TAFA1: variants seen among roughly 807,000 people sequenced by gnomAD.
TAFA1 encodes TAFA chemokine like family member 1.
In TAFA1, 4 loss-of-function variants were observed where a neutral mutation model predicts 18.5. The ratio of observed to expected loss-of-function variants is 0.22; its 90% CI spans 0.11 to 0.49. The LOEUF (loss-of-function observed/expected upper bound fraction) is 0.49. Ranked by LOEUF, TAFA1 falls within the 20% of genes least tolerant of loss-of-function variation. TAFA1 has a pLI of 0.98. For missense variants in TAFA1, 147 were observed against 169.0 expected (o/e 0.87, Z 0.72); for synonymous variants, 56 against 55.2 (o/e 1.01, Z -0.06).
In TAFA1 at chr3:68,422,336, G is replaced by A. The variant is rs561473713; in HGVS notation, c.259+4916G>A. ...TGCATTCCCAATCTCAGTTCCCTAG[G>A]AATAGACAGGCATCAACTTCTCTGC... is the stretch of plus-strand genomic sequence containing the variant. On this transcript the variant is annotated intron_variant, in intron 3 of 4. Coordinates refer to ENST00000478136, the MANE Select transcript of TAFA1 (RefSeq NM_213609.4). Among the ~76,000 whole-genome samples the A allele has an allele frequency of 6.6e-5, 10 of 152,120 alleles. No homozygotes were observed. In the South Asian group the frequency reaches 1.5e-3, roughly 22 times the overall value.
At chr3:68,362,807 T>G (rs262231) in intron 2 of TAFA1, among the ~76,000 whole-genome samples, 91,016 of 151,774 alleles carry the variant, frequency 0.6, 28,170 homozygotes, top group East Asian at 1. Flanking sequence ...ATACGGTAGG[T>G]TCTACAAATG....
intron 2 of TAFA1, among the ~76,000 whole-genome samples, chr3:68,291,794 C>A (rs1172811589): frequency 1.3e-5 from 2 of 152,144 alleles, no homozygotes; most frequent in Non-Finnish European, 2.9e-5. Context: ...ACTGAATACT[C>A]CCTTCCAAAT....
chr3:68,200,213 T>G (rs1245527844), intron 2 of TAFA1, among the ~76,000 whole-genome samples: 1 of 151,644 alleles, frequency 6.6e-6, no homozygotes, highest in Non-Finnish European at 1.5e-5. Context: ...ATAATTCTTT[T>G]TATACACTGA....
chr3:68,085,435 AT>A (rs1286973187), intron 2 of TAFA1, among the ~76,000 whole-genome samples: 1 of 152,228 alleles, frequency 6.6e-6, no homozygotes, highest in Non-Finnish European at 1.5e-5. Flanking sequence ...AAAGGAGCAC[AT>A]TTTGAGCATG....
At chr3:68,206,797 G>C (rs968718320) in intron 2 of TAFA1, among the ~76,000 whole-genome samples, 4 of 151,902 alleles carry the variant, frequency 2.6e-5, no homozygotes, top group Non-Finnish European at 4.4e-5. Flanking sequence ...AAGTGTTGTA[G>C]TTGTACCTCA....
chr3:68,442,617 A>C (rs770823941), intron 3 of TAFA1, among the ~76,000 whole-genome samples: 3 of 152,182 alleles, frequency 2.0e-5, no homozygotes, highest in African/African-American at 7.2e-5. Flanking sequence ...TGAAGGAAAA[A>C]AGAAAGAGGG....
chr3:68,092,128 A>G (rs1182487780), intron 2 of TAFA1, among the ~76,000 whole-genome samples: 2 of 152,176 alleles, frequency 1.3e-5, no homozygotes, highest in African/African-American at 4.8e-5. Context: ...CAATGGCATC[A>G]GCTCTCCCTC....
At chr3:68,196,580 G>C (rs2066413151) in intron 2 of TAFA1, among the ~76,000 whole-genome samples, 1 of 151,680 alleles carries the variant, frequency 6.6e-6, no homozygotes. Context: ...ATTGCATATA[G>C]GGAGAAAAAT....
At chr3:68,302,069 A>G (rs76288176) in intron 2 of TAFA1, among the ~76,000 whole-genome samples, 2,048 of 152,312 alleles carry the variant, frequency 0.013, 65 homozygotes, top group African/African-American at 0.047. Context: ...GAAATATTAT[A>G]TAAGTATTTG....
intron 3 of TAFA1, among the ~76,000 whole-genome samples, chr3:68,518,871 T>G (rs1222294843): frequency 6.6e-6 from 1 of 152,182 alleles, no homozygotes; most frequent in African/African-American, 2.4e-5. Context: ...AGTACAACAC[T>G]GGTTTCAGAG....
At chr3:68,444,613 T>G (rs75870678) in intron 3 of TAFA1, among the ~76,000 whole-genome samples, 514 of 152,130 alleles carry the variant, frequency 3.4e-3, no homozygotes, top group Non-Finnish European at 6.2e-3. Context: ...TATAAAATGC[T>G]GCTGCTAGCT....
chr3:68,127,980 G>T (rs947002430), intron 2 of TAFA1, among the ~76,000 whole-genome samples: 2 of 152,086 alleles, frequency 1.3e-5, no homozygotes, highest in Non-Finnish European at 2.9e-5. Flanking sequence ...TGGTGGTGAT[G>T]ATGATGGTAT....
chr3:68,081,762 TTTTG>T (rs1341470036), intron 2 of TAFA1, among the ~76,000 whole-genome samples: 1 of 152,158 alleles, frequency 6.6e-6, no homozygotes, highest in East Asian at 1.9e-4. Context: ...ACTGCTGTCT[TTTTG>T]TTTGTCTTTG....
chr3:68,228,206 C>A (rs1161004380), intron 2 of TAFA1, among the ~76,000 whole-genome samples: 1 of 152,166 alleles, frequency 6.6e-6, no homozygotes, highest in African/African-American at 2.4e-5. Flanking sequence ...TGTAAGCCCT[C>A]TATAAATACT....
chr3:68,506,778 T>C (rs971179292), intron 3 of TAFA1, among the ~76,000 whole-genome samples: 1 of 152,082 alleles, frequency 6.6e-6, no homozygotes, highest in Non-Finnish European at 1.5e-5. Context: ...ATTTGTCAGA[T>C]GAAATGTTCC....
intron 3 of TAFA1, among the ~76,000 whole-genome samples, chr3:68,475,301 C>T (rs1291057531): frequency 6.6e-6 from 1 of 151,596 alleles, no homozygotes; most frequent in Non-Finnish European, 1.5e-5. Context: ...TAATGCTATC[C>T]CTCCCCCATC....
intron 2 of TAFA1, among the ~76,000 whole-genome samples, chr3:68,162,438 A>G (rs2065936255): frequency 6.6e-6 from 1 of 152,118 alleles, no homozygotes; most frequent in Admixed American, 6.5e-5. Flanking sequence ...GGCTGATCTG[A>G]CATGAGGCAG....
At chr3:68,488,952 T>G (rs2072400734) in intron 3 of TAFA1, among the ~76,000 whole-genome samples, 1 of 152,246 alleles carries the variant, frequency 6.6e-6, no homozygotes, top group Non-Finnish European at 1.5e-5. Flanking sequence ...ACATTTATTA[T>G]GCACTTACAG....
Position 68,037,856 on chromosome 3 carries a change from CAT to C in TAFA1, c.118+31115_118+31116del, listed in dbSNP as rs370615947. Among the ~76,000 whole-genome samples, 26 of 152,222 alleles carry C rather than the reference CAT, an allele frequency of 1.7e-4. No individual in the cohort carries two copies. In the East Asian group the frequency reaches 3.1e-3, roughly 18 times the overall value. On this transcript the variant is annotated intron_variant, in intron 2 of 4. Transcript: ENST00000478136. ...GCCAGACAGGACAACAGGAAGAAAA[CAT>C]ATTTTCACGGCATGCCATTTTATGC...
Sources: allele counts gnomAD v4.1 joint callset (sites outside exome capture counted in the v4.1 genomes callset), GRCh38; gene constraint gnomAD v4.1.1; transcripts MANE v1.5; gene names NCBI Gene and HGNC (gene_info 2026-07-23, HGNC 2026-07-21).